EVI5: variants seen among roughly 807,000 people sequenced by gnomAD.
The protein encoded by EVI5 is ecotropic viral integration site 5 protein homolog.
EVI5 carries 73 observed loss-of-function variants against 112.0 expected under a neutral mutation model. The observed-to-expected ratio is 0.65, with a 90% CI of 0.54 to 0.79. The LOEUF (loss-of-function observed/expected upper bound fraction) is 0.79, where lower values mean the gene tolerates loss of function less well. Ranked by LOEUF, EVI5 falls within the 30% of genes least tolerant of loss-of-function variation. The pLI, the probability that EVI5 is intolerant of heterozygous loss-of-function variation, is 0.00. For synonymous variants in EVI5, 305 were observed against 319.9 expected, an observed-to-expected ratio of 0.95 and a Z score of 0.50; for missense variants, 900 against 968.8, an observed-to-expected ratio of 0.93 and a Z score of 0.94.
intron 18 of EVI5, among the ~76,000 whole-genome samples, chr1:92,591,006 C>G (rs1275178248): frequency 6.6e-6 from 1 of 152,086 alleles, no homozygotes; most frequent in African/African-American, 2.4e-5. Context: ...TCATATCCAG[C>G]CAAACTAAGC....
At chr1:92,788,870 G>A (rs1685873638), upstream of EVI5, among the ~76,000 whole-genome samples, 1 of 152,156 alleles carries the variant, frequency 6.6e-6, no homozygotes, top group Non-Finnish European at 1.5e-5. Context: ...ACACCTGGTT[G>A]AGCACTCAAC....
At chr1:92,622,172 T>C (rs191714416) in intron 16 of EVI5, 96 of 186,950 alleles carry the variant, frequency 5.1e-4, no homozygotes, top group African/African-American at 2.2e-3. Flanking sequence ...ATTAAAAACC[T>C]GAATCTAGCA....
At chr1:92,689,939 G>A (rs150550596) in intron 9 of EVI5, among the ~76,000 whole-genome samples, 145 of 152,114 alleles carry the variant, frequency 9.5e-4, no homozygotes, top group Non-Finnish European at 1.6e-3. Flanking sequence ...ACCCAGGCTG[G>A]AGTGCAGTGC....
intron 18 of EVI5, among the ~76,000 whole-genome samples, chr1:92,585,705 AG>A (rs1236660434): frequency 6.6e-6 from 1 of 152,154 alleles, no homozygotes; most frequent in Non-Finnish European, 1.5e-5. Context: ...TTGAGAAGAT[AG>A]AGAGTTCCCA....
intron 2 of EVI5, among the ~76,000 whole-genome samples, chr1:92,730,140 G>A (rs1022904243): frequency 2.0e-5 from 3 of 152,122 alleles, no homozygotes; most frequent in African/African-American, 7.2e-5. Flanking sequence ...AGAGGCAGGA[G>A]GATCACTTGA....
intron 4 of EVI5, 32 bp from the exon 5 acceptor site, chr1:92,702,247 A>C (rs570572012): frequency 1.8e-6 from 2 of 1,140,020 alleles, no homozygotes; most frequent in East Asian, 5.5e-5. Flanking sequence ...TTCAAAATAC[A>C]TGGTAAGTTA....
At chr1:92,665,347 T>A (rs1291925590) in intron 11 of EVI5, among the ~76,000 whole-genome samples, 3 of 152,204 alleles carry the variant, frequency 2.0e-5, no homozygotes, top group Non-Finnish European at 2.9e-5. Context: ...ACAAAAGATT[T>A]TTCATCAAAA....
chr1:92,649,792 C>T (rs1025884904), intron 13 of EVI5, among the ~76,000 whole-genome samples: 2 of 152,146 alleles, frequency 1.3e-5, no homozygotes, highest in African/African-American at 4.8e-5. Context: ...AGCCTGGCGA[C>T]AGAGAAAGAC....
intron 14 of EVI5, among the ~76,000 whole-genome samples, chr1:92,632,502 T>G (rs749494972): frequency 3.7e-4 from 56 of 152,216 alleles, no homozygotes; most frequent in Admixed American, 1.2e-3. Flanking sequence ...TAGTTTGTAT[T>G]TCTGTGGGAT....
intron 19 of EVI5, among the ~76,000 whole-genome samples, chr1:92,519,896 T>TCAAA (rs1553167591): frequency 4.2e-5 from 5 of 119,060 alleles, no homozygotes; most frequent in Non-Finnish European, 8.8e-5. Context: ...ACTCTGTCTT[T>TCAAA]AAAAAAAAAA....
chr1:92,591,753 G>A (rs1225861696), intron 18 of EVI5, among the ~76,000 whole-genome samples: 2 of 152,158 alleles, frequency 1.3e-5, no homozygotes, highest in African/African-American at 4.8e-5. Context: ...TCTGCACCAA[G>A]TGGACCTAAT....
chr1:92,605,360 T>A lies in EVI5; in HGVS notation c.2017A>T (p.Ser673Cys), dbSNP rs776978315. The change falls in exon 18 of 20, where the codon AGC becomes TGC. Residue 673 changes from serine to cysteine, a missense_variant. Physicochemically the swap from Ser to Cys is moderately radical, Grantham distance 112. Coordinates refer to ENST00000684568, the MANE Select transcript of EVI5 (RefSeq NM_001350197.2). ...CGTAGTTCAGCCACAGCAGCTATGC[T>A]ATCTGCTTCCCGAAGCCTCACAGCC... is the stretch of plus-strand genomic sequence containing the variant. ...VMAVRLREADSIAAVAELRQH... is the reference protein window; with the variant it reads ...VMAVRLREADCIAAVAELRQH... The A allele has an allele frequency of 2.5e-6, 4 of 1,613,698 alleles. No individual in the cohort carries two copies. The African/African-American group carries it at 4.0e-5, about 16-fold the overall frequency.
At chr1:92,788,263 A>G (rs879338816), upstream of EVI5, among the ~76,000 whole-genome samples, 7 of 151,114 alleles carry the variant, frequency 4.6e-5, no homozygotes, top group Admixed American at 4.6e-4. Context: ...CGAGCGGAAG[A>G]GTTCAAGACC....
intron 1 of EVI5, among the ~76,000 whole-genome samples, chr1:92,751,118 G>A (rs1177796295): frequency 6.6e-6 from 1 of 152,072 alleles, no homozygotes; most frequent in Non-Finnish European, 1.5e-5. Context: ...CCACTGCACT[G>A]TAGCCTGAGC....
intron 1 of EVI5, among the ~76,000 whole-genome samples, chr1:92,751,785 G>T (rs2102928637): frequency 6.6e-6 from 1 of 152,074 alleles, no homozygotes; most frequent in South Asian, 2.1e-4. Flanking sequence ...AGCCAAGGTG[G>T]GTGGATCATC....
intron 14 of EVI5, among the ~76,000 whole-genome samples, chr1:92,632,504 C>A (rs757733805): frequency 3.7e-4 from 56 of 152,154 alleles, no homozygotes; most frequent in Admixed American, 1.2e-3. Context: ...GTTTGTATTT[C>A]TGTGGGATAG....
At chr1:92,520,852 TAA>T (rs548763369) in intron 19 of EVI5, among the ~76,000 whole-genome samples, 27 of 121,526 alleles carry the variant, frequency 2.2e-4, no homozygotes, top group Middle Eastern at 4.5e-3. Flanking sequence ...CAACCCTGTC[TAA>T]AAAAAAAAAA....
intron 18 of EVI5, among the ~76,000 whole-genome samples, chr1:92,597,552 T>A (rs1349156517): frequency 6.6e-6 from 1 of 152,222 alleles, no homozygotes; most frequent in Non-Finnish European, 1.5e-5. Flanking sequence ...CCTTCCTAAC[T>A]GGTAGTGACC....
At chr1:92,641,766 T>C (rs1431276771) in intron 13 of EVI5, among the ~76,000 whole-genome samples, 1 of 152,154 alleles carries the variant, frequency 6.6e-6, no homozygotes, top group African/African-American at 2.4e-5. Context: ...CCCTACCACA[T>C]GCTGTAAACA....
Sources: gnomAD v4.1 joint callset for allele counts (sites outside exome capture counted in the v4.1 genomes callset) on GRCh38, gnomAD v4.1.1 for gene constraint, MANE v1.5 for transcripts, NCBI Gene and HGNC (gene_info 2026-07-23, HGNC 2026-07-21) for gene names.